The following TBCA variants were observed in gnomAD, a reference collection of about 807,000 sequenced individuals.
TBCA encodes tubulin folding cofactor A.
Under a neutral mutation model 15.8 loss-of-function variants are expected in TBCA, and 6 were observed. The ratio of observed to expected loss-of-function variants is 0.38; its 90% CI spans 0.21 to 0.75. TBCA has a LOEUF of 0.75. TBCA is among the 30% of genes least tolerant of loss of function. TBCA has a pLI of 0.46. For synonymous variants in TBCA, 32 were observed against 42.3 expected, an observed-to-expected ratio of 0.76 and a Z score of 0.94; for missense variants, 90 against 131.2, an observed-to-expected ratio of 0.69 and a Z score of 1.53.
chr5:77,753,636 GTAAC>G (rs1316110010), intron 1 of TBCA, among the ~76,000 whole-genome samples: 2 of 152,142 alleles, frequency 1.3e-5, no homozygotes, highest in Non-Finnish European at 2.9e-5. Context: ...CTTGCTTTGA[GTAAC>G]TATTTTTAAT....
intron 1 of TBCA, among the ~76,000 whole-genome samples, chr5:77,774,856 T>C (rs1210639861): frequency 6.6e-6 from 1 of 151,974 alleles, no homozygotes; most frequent in Non-Finnish European, 1.5e-5. Context: ...ACCCATGAGT[T>C]TGTGAAAGGA....
intron 1 of TBCA, among the ~76,000 whole-genome samples, chr5:77,719,011 A>T (rs1054395656): frequency 2.6e-5 from 4 of 152,218 alleles, no homozygotes; most frequent in Non-Finnish European, 5.9e-5. Flanking sequence ...AATTTTGTCT[A>T]CTTCGACAAT....
chr5:77,709,385 T>G (rs1254544771), intron 1 of TBCA, among the ~76,000 whole-genome samples: 1 of 152,214 alleles, frequency 6.6e-6, no homozygotes, highest in Non-Finnish European at 1.5e-5. Flanking sequence ...AATAGCTCAA[T>G]CTTCCCTAAT....
At chr5:77,757,360 G>A (rs1057158586) in intron 1 of TBCA, among the ~76,000 whole-genome samples, 21 of 152,202 alleles carry the variant, frequency 1.4e-4, no homozygotes, top group African/African-American at 5.1e-4. Flanking sequence ...CCTAGAGGCA[G>A]GAAAAAAACT....
intron 1 of TBCA, among the ~76,000 whole-genome samples, chr5:77,761,517 C>T (rs1747639861): frequency 6.6e-6 from 1 of 151,954 alleles, no homozygotes; most frequent in African/African-American, 2.4e-5. Flanking sequence ...ACAGGGACGT[C>T]TGCCTAGGAA....
At chr5:77,714,569 A>T in intron 1 of TBCA, among the ~76,000 whole-genome samples, 1 of 119,402 alleles carries the variant, frequency 8.4e-6, no homozygotes, top group Non-Finnish European at 1.8e-5. Context: ...TACTATTATT[A>T]TTATTATTTT....
At chr5:77,714,105 G>A (rs950618776) in intron 1 of TBCA, among the ~76,000 whole-genome samples, 2 of 151,568 alleles carry the variant, frequency 1.3e-5, no homozygotes, top group African/African-American at 2.4e-5. Context: ...AGGATCACTC[G>A]AGGTCAGGAG....
chr5:77,714,855 T>C (rs1336990781), intron 1 of TBCA, among the ~76,000 whole-genome samples: 3 of 152,116 alleles, frequency 2.0e-5, no homozygotes, highest in Non-Finnish European at 2.9e-5. Context: ...CGTGAGCCAC[T>C]GCACCCGGCC....
chr5:77,765,351 C>T (rs1747745707), intron 1 of TBCA, among the ~76,000 whole-genome samples: 1 of 152,236 alleles, frequency 6.6e-6, no homozygotes, highest in African/African-American at 2.4e-5. Context: ...CTAGACCATA[C>T]TTTGGAAGCT....
At chr5:77,760,640 C>G (rs1258273388) in intron 1 of TBCA, among the ~76,000 whole-genome samples, 3 of 152,240 alleles carry the variant, frequency 2.0e-5, no homozygotes, top group Non-Finnish European at 4.4e-5. Flanking sequence ...CCGGGCTGGT[C>G]TCCAGCTCCT....
chr5:77,701,734 T>C (rs1359296328), intron 2 of TBCA, among the ~76,000 whole-genome samples: 1 of 129,982 alleles, frequency 7.7e-6, no homozygotes, highest in East Asian at 2.4e-4. Context: ...TATGATGGAA[T>C]ACTACTCAGC....
chr5:77,757,190 A>C (rs1365406514), intron 1 of TBCA, among the ~76,000 whole-genome samples: 2 of 152,156 alleles, frequency 1.3e-5, no homozygotes, highest in African/African-American at 4.8e-5. Flanking sequence ...CCAGAACAAC[A>C]ACAACAACAA....
chr5:77,743,320 A>C (rs1226089725), intron 1 of TBCA, among the ~76,000 whole-genome samples: 1 of 152,194 alleles, frequency 6.6e-6, no homozygotes, highest in Admixed American at 6.5e-5. Flanking sequence ...CTTAATCTGT[A>C]TGTTAGCCAG....
intron 1 of TBCA, among the ~76,000 whole-genome samples, chr5:77,747,399 T>C (rs1198903029): frequency 2.6e-5 from 4 of 152,160 alleles, no homozygotes; most frequent in African/African-American, 9.6e-5. Flanking sequence ...TTTACTACAT[T>C]AAGAACTCTT....
chr5:77,757,626 T>G (rs566856184), intron 1 of TBCA, among the ~76,000 whole-genome samples: 1 of 152,238 alleles, frequency 6.6e-6, no homozygotes, highest in Non-Finnish European at 1.5e-5. Flanking sequence ...GCCATAAAGA[T>G]AGCCCAAGCT....
chr5:77,712,670 TTTA>T (rs1160869054), intron 1 of TBCA, among the ~76,000 whole-genome samples: 3 of 152,156 alleles, frequency 2.0e-5, no homozygotes, highest in African/African-American at 4.8e-5. Flanking sequence ...AAGAACATTG[TTTA>T]TTGTTTGAAA....
intron 3 of TBCA, chr5:77,691,959 T>C (rs571465984): frequency 1.6e-5 from 16 of 986,560 alleles, no homozygotes; most frequent in Non-Finnish European, 1.8e-5. Flanking sequence ...ATATAATCTT[T>C]GAATTAAACA....
At chr5:77,756,622 C>T (rs1404830021) in intron 1 of TBCA, among the ~76,000 whole-genome samples, 1 of 145,456 alleles carries the variant, frequency 6.9e-6, no homozygotes, top group African/African-American at 2.6e-5. Context: ...GAACAACTTC[C>T]TAAGAGGAAA....
At position 77,725,819 on chromosome 5, in the gene TBCA, T is replaced by G. The variant is rs373453517; in HGVS notation, c.54-17472A>C. 3.9e-4 allele frequency among the ~76,000 whole-genome samples: 59 copies of G among 152,364 alleles called. No individual in the cohort carries two copies. The South Asian group carries it at 0.012, about 30-fold the overall frequency. ...TCTTAAGGCTCCTTGAGATGAGTTA[T>G]ATTGCAGATACAGTTGTGTTTCGTA... On this transcript the variant is annotated intron_variant, in intron 1 of 3. Coordinates refer to ENST00000380377, the MANE Select transcript of TBCA (RefSeq NM_004607.3).
Sources: gnomAD v4.1 joint callset for allele counts (sites outside exome capture counted in the v4.1 genomes callset) on GRCh38, gnomAD v4.1.1 for gene constraint, MANE v1.5 for transcripts, NCBI Gene and HGNC (gene_info 2026-07-23, HGNC 2026-07-21) for gene names.